Variants in PCDH17 observed in about 807,000 individuals in gnomAD.
PCDH17 encodes the protein protocadherin 17, also known as protocadherin-17.
PCDH17 carries 21 observed loss-of-function variants against 67.7 expected under a neutral mutation model. The observed-to-expected ratio is 0.31, with a 90% confidence interval of 0.22 to 0.45. PCDH17 has a LOEUF of 0.45. Among genes scored for constraint, PCDH17 ranks in the 20% least tolerant of loss-of-function variants. The pLI is 1.00. For synonymous variants in PCDH17, 701 were observed against 656.7 expected, an observed-to-expected ratio of 1.07 and a Z score of -1.03; for missense variants, 1,471 against 1,564.8, an observed-to-expected ratio of 0.94 and a Z score of 1.01.
chr13:57,707,594 C>A (rs910203118), intron 3 of PCDH17, among the ~76,000 whole-genome samples: 1 of 151,974 alleles, frequency 6.6e-6, no homozygotes, highest in African/African-American at 2.4e-5. Flanking sequence ...TTCACAGTAG[C>A]AAAATTAGTA....
chr13:57,638,415 G>C (rs1301710615), intron 1 of PCDH17, among the ~76,000 whole-genome samples: 1 of 152,034 alleles, frequency 6.6e-6, no homozygotes, highest in African/African-American at 2.4e-5. Context: ...TCACTGATGG[G>C]AGACTTCCCA....
intron 1 of PCDH17, among the ~76,000 whole-genome samples, chr13:57,661,647 T>C (rs1007372012): frequency 1.5e-4 from 23 of 152,132 alleles, no homozygotes; most frequent in African/African-American, 5.6e-4. Flanking sequence ...AAAAAGAGAA[T>C]GTGTATGTGT....
In PCDH17 at chr13:57,727,347, A is replaced by G. The variant is rs2138111074; in HGVS notation, c.*2053A>G. 1 of 152,760 alleles carries G rather than the reference A, an allele frequency of 6.5e-6. No homozygotes were observed. The highest frequency in any genetic ancestry group is 2.1e-4 in the South Asian group (1 of 4,832). 9.5% of individuals were successfully genotyped at this position (152,760 alleles called of 1,614,324 possible). A position where few individuals can be genotyped will look rare whatever the true frequency, so the allele number is the denominator to read the frequency against. On this transcript the variant is annotated 3_prime_UTR_variant, in exon 4 of 4. Coordinates refer to ENST00000377918, the MANE Select transcript of PCDH17 (RefSeq NM_001040429.3). ...CTGGCCACCAAGCCAGTGTAGAAAC[A>G]GCAAAAATGTCATAAAAATTCTTAT...
chr13:57,663,910 G>A (rs546996327), intron 1 of PCDH17, among the ~76,000 whole-genome samples: 5 of 151,654 alleles, frequency 3.3e-5, no homozygotes, highest in African/African-American at 1.2e-4. Context: ...ATTTCTGTTT[G>A]TTTGTTTATT....
rs772317844 is a variant in PCDH17, at chr13:57,632,760, C to T, written c.214C>T (p.Pro72Ser). 1.2e-6 allele frequency: 2 copies of T among 1,612,716 alleles called. No homozygotes were observed. Among genetic ancestry groups the T allele is most frequent in the Non-Finnish European group, 1.7e-6 (2 of 1,179,966 alleles). ...GSYRVLENSA[P>S]HLLDVDADSG... is the part of the protein sequence containing the mutation. ...CTACCGGGTGCTGGAGAACTCCGCA[C>T]CGCACCTGCTGGACGTGGACGCAGA... Residue 72 changes from proline to serine, a missense_variant, in exon 1 of 4, where the codon CCG becomes TCG. Physicochemically the swap from Pro to Ser is moderately conservative, Grantham distance 74. Around this residue, in one of 3 missense-constraint regions of PCDH17, gnomAD observed 1,163 missense variants for 1,230.0 expected, o/e 0.95. Coordinates refer to ENST00000377918, the MANE Select transcript of PCDH17 (RefSeq NM_001040429.3).
chr13:57,658,759 C>T (rs867220659), intron 1 of PCDH17, among the ~76,000 whole-genome samples: 3 of 110,474 alleles, frequency 2.7e-5, no homozygotes, highest in Admixed American at 7.7e-5. Context: ...ACGGGTTTTT[C>T]GTTTGTTTGT....
chr13:57,680,031 A>G (rs1339693351), intron 3 of PCDH17, among the ~76,000 whole-genome samples: 2 of 151,484 alleles, frequency 1.3e-5, no homozygotes, highest in Admixed American at 1.3e-4. Flanking sequence ...AGTAAAAATT[A>G]CATATACTCA....
intron 1 of PCDH17, among the ~76,000 whole-genome samples, chr13:57,659,860 T>C (rs1265646978): frequency 2.6e-5 from 4 of 152,194 alleles, no homozygotes; most frequent in Admixed American, 2.6e-4. Flanking sequence ...CAAGTGCAGT[T>C]TGAAATTTTT....
intron 3 of PCDH17, among the ~76,000 whole-genome samples, chr13:57,684,223 G>T (rs921845298): frequency 6.6e-6 from 1 of 151,746 alleles, no homozygotes; most frequent in Admixed American, 6.6e-5. Flanking sequence ...AATCCTAGAG[G>T]TTAGAAATAA....
intron 3 of PCDH17, among the ~76,000 whole-genome samples, chr13:57,667,114 T>A (rs113736490): frequency 2.0e-4 from 30 of 152,214 alleles, no homozygotes; most frequent in Admixed American, 5.9e-4. Flanking sequence ...CCCTTTCCTA[T>A]TTGGGGTTAT....
Position 57,633,471 on chromosome 13 carries a change from C to G in PCDH17, c.925C>G (p.Leu309Val). 2 of 1,613,816 alleles carry G rather than the reference C, an allele frequency of 1.2e-6. No individual in the cohort carries two copies. The highest frequency in any genetic ancestry group is 1.7e-6 in the Non-Finnish European group (2 of 1,180,048). The change falls in exon 1 of 4, where the codon CTG becomes GTG. Residue 309 changes from leucine to valine, a missense_variant. Leu to Val is a conservative substitution (Grantham distance 32). Transcript: ENST00000377918. The surrounding 1 kb of genome is among the most constrained non-coding windows in gnomAD (Gnocchi z 6.2). The part of the protein sequence containing the change: ...KTGLIRVKGN[L>V]DYEENGMLEI... The stretch of plus-strand genomic sequence containing the variant: ...CGGCCTAATCCGTGTGAAGGGCAAT[C>G]TGGACTATGAGGAAAACGGGATGCT...
chr13:57,712,959 A>G (rs1955789327), intron 3 of PCDH17, among the ~76,000 whole-genome samples: 1 of 151,674 alleles, frequency 6.6e-6, no homozygotes, highest in Admixed American at 6.6e-5. Flanking sequence ...AAAGTATTTA[A>G]AACATCACTG....
chr13:57,700,814 G>T (rs561914001), intron 3 of PCDH17, among the ~76,000 whole-genome samples: 1 of 152,058 alleles, frequency 6.6e-6, no homozygotes, highest in Non-Finnish European at 1.5e-5. Flanking sequence ...GAAAAATTCA[G>T]AACAAACACT....
intron 3 of PCDH17, among the ~76,000 whole-genome samples, chr13:57,670,427 G>GA (rs1955306302): frequency 6.6e-6 from 1 of 151,414 alleles, no homozygotes; most frequent in African/African-American, 2.4e-5. Flanking sequence ...TCTCTTACGA[G>GA]AAAAAACTAG....
In PCDH17 at chr13:57,633,410, C is replaced by T. The variant is rs769476038; in HGVS notation, c.864C>T (p.Asp288=). ...ACTCTTTCAGCAGCTACGTGCCTGACCGCGTGCGGGAGCTCTTCTCCATCG... is the reference window on the plus strand; with the variant it reads ...ACTCTTTCAGCAGCTACGTGCCTGATCGCGTGCGGGAGCTCTTCTCCATCG... ...VLYSFSSYVP[D]RVRELFSIDP... Residue 288 remains aspartate (D), a synonymous_variant, in exon 1 of 4, where the codon GAC becomes GAT. Coordinates refer to ENST00000377918, the MANE Select transcript of PCDH17 (RefSeq NM_001040429.3). This position sits in a 1 kb window ranked among gnomAD's most constrained non-coding sequence, Gnocchi z 6.2. 3.7e-6 allele frequency: 6 copies of T among 1,613,326 alleles called. No individual in the cohort carries two copies. The South Asian group carries it at 4.4e-5, about 12-fold the overall frequency.
At chr13:57,637,769 A>T (rs533084996) in intron 1 of PCDH17, among the ~76,000 whole-genome samples, 4 of 152,182 alleles carry the variant, frequency 2.6e-5, no homozygotes, top group Middle Eastern at 3.4e-3. Flanking sequence ...GTGCGGTGAT[A>T]TGAAATTTAG....
chr13:57,666,445 A>G (rs1566227679), intron 1 of PCDH17, 23 bp from the exon 2 acceptor site: 3 of 1,597,854 alleles, frequency 1.9e-6, no homozygotes, highest in Admixed American at 1.7e-5. Flanking sequence ...AACTATACGT[A>G]TTTTTTTCCT....
At position 57,632,812 on chromosome 13, in the gene PCDH17, G is replaced by T. The variant is rs756552720; in HGVS notation, c.266G>T (p.Arg89Leu). Residue 89 changes from arginine (R) to leucine (L), a missense_variant, in exon 1 of 4, where the codon CGC (arginine) becomes CTC (leucine). This residue lies in a region of PCDH17 where 1,163 missense variants were observed against 1,230.0 expected (regional missense o/e 0.95). Coordinates refer to ENST00000377918, the MANE Select transcript of PCDH17 (RefSeq NM_001040429.3). ...ADSGLLYTKQ[R>L]IDRESLCRHN... Reference sequence around the variant, plus strand: ...AGCGGGCTCCTCTACACCAAGCAGCGCATCGACCGCGAGTCCCTGTGCCGC... The same window carrying T: ...AGCGGGCTCCTCTACACCAAGCAGCTCATCGACCGCGAGTCCCTGTGCCGC... 1.1e-5 allele frequency: 17 copies of T among 1,613,524 alleles called. No individual in the cohort carries two copies. The highest frequency in any genetic ancestry group is 2.2e-5 in the East Asian group (1 of 44,824).
At chr13:57,647,374 G>T (rs1390454129) in intron 1 of PCDH17, among the ~76,000 whole-genome samples, 1 of 151,574 alleles carries the variant, frequency 6.6e-6, no homozygotes, top group East Asian at 1.9e-4. Flanking sequence ...CTTGGCTCTG[G>T]TCTCTTTTCT....
Sources: gnomAD v4.1 joint callset for allele counts (sites outside exome capture counted in the v4.1 genomes callset) on GRCh38, gnomAD v4.1.1 for gene constraint, gnomAD v4.1.1 regional missense constraint, Gnocchi (gnomAD v3.1) non-coding constraint, MANE v1.5 for transcripts, NCBI Gene and HGNC (gene_info 2026-07-23, HGNC 2026-07-21) for gene names.